Variants in ZNF410 observed in about 807,000 individuals in gnomAD.
ZNF410 encodes the protein zinc finger protein 410, also known as another partner for ARF 1.
A neutral mutation model predicts 54.8 loss-of-function variants in ZNF410; 18 were observed. That is an observed-to-expected ratio of 0.33 (90% CI 0.23 to 0.49). ZNF410 has a LOEUF of 0.49. ZNF410 is among the 20% of genes least tolerant of loss of function. The pLI is 0.99. For synonymous variants in ZNF410, 191 were observed against 207.3 expected, an observed-to-expected ratio of 0.92 and a Z score of 0.68; for missense variants, 405 against 569.6, an observed-to-expected ratio of 0.71 and a Z score of 2.94.
At position 73,923,484 on chromosome 14, in the gene ZNF410, T is replaced by C. The variant is rs1210415511; in HGVS notation, c.1360T>C (p.Tyr454His). Residue 454 changes from tyrosine to histidine, a missense_variant, in exon 11 of 12, where the codon TAT becomes CAT. By Grantham distance (83) the Tyr-to-His change is moderately conservative (BLOSUM62 2). Coordinates refer to ENST00000555044, the MANE Select transcript of ZNF410 (RefSeq NM_021188.3). ...GACCATGCAGTCAGGGAGGCAATCA[T>C]ATGAAGTTTCTGTCTTAACTGCAGT... ...LVTMQSGRQS[Y>H]EVSVLTAVNP... 6.2e-7 allele frequency: 1 copy of C among 1,613,744 alleles called. No homozygotes were observed. Among genetic ancestry groups the C allele is most frequent in the African/African-American group, 1.3e-5 (1 of 74,924 alleles).
chr14:73,905,290 TTGA>T (rs1332010933), intron 7 of ZNF410: 1 of 485,372 alleles, frequency 2.1e-6, no homozygotes, highest in Non-Finnish European at 3.5e-6. Flanking sequence ...GTAGACAGTG[TTGA>T]TTTCTGTTTT....
intron 8 of ZNF410, among the ~76,000 whole-genome samples, chr14:73,919,902 T>G (rs1334559820): frequency 6.8e-6 from 1 of 147,866 alleles, no homozygotes; most frequent in Non-Finnish European, 1.5e-5. Context: ...TTTTTTTTTT[T>G]TTTTTTTTTG....
At chr14:73,906,946 A>G (rs1194186671) in intron 7 of ZNF410, among the ~76,000 whole-genome samples, 1 of 151,990 alleles carries the variant, frequency 6.6e-6, no homozygotes, top group Non-Finnish European at 1.5e-5. Flanking sequence ...TCAGGCCTCT[A>G]TTTAATTATT....
chr14:73,923,533 C>G lies in ZNF410; in HGVS notation c.1398+11C>G. 1 of 1,607,766 alleles carries G rather than the reference C, an allele frequency of 6.2e-7. No homozygotes were observed. Among genetic ancestry groups the G allele is most frequent in the Non-Finnish European group, 8.5e-7 (1 of 1,177,250 alleles). The stretch of plus-strand genomic sequence containing the variant: ...GTAAATCCACAAGAGGTAAAGTGGT[C>G]TCTTGCCCTTTGTTTCTGTGACAAT... On this transcript the variant is annotated intron_variant, in intron 11 of 11. Transcript: ENST00000555044.
At chr14:73,895,690 C>A (rs1237516844) in intron 3 of ZNF410, among the ~76,000 whole-genome samples, 1 of 152,060 alleles carries the variant, frequency 6.6e-6, no homozygotes, top group African/African-American at 2.4e-5. Flanking sequence ...ACAGGCCGGG[C>A]GTGGTGGCTC....
intron 8 of ZNF410, chr14:73,914,972 A>T (rs992699708): frequency 1.3e-5 from 2 of 150,782 alleles, no homozygotes; most frequent in South Asian, 4.3e-4. Context: ...TGTTGAATAG[A>T]AGTGGTGAGG....
chr14:73,893,956 T>C lies in ZNF410; in HGVS notation c.169+24T>C, dbSNP rs759932525. 2.0e-5 allele frequency: 32 copies of C among 1,600,892 alleles called. No individual in the cohort carries two copies. The South Asian group carries it at 2.7e-4, about 14-fold the overall frequency. On this transcript the variant is annotated intron_variant, in intron 3 of 11. Transcript: ENST00000555044. ...AGGTAAAAATTAAGATCACTAGAAA[T>C]AGGATAAAGAAGTCTTAAGAGCTTA...
At position 73,921,262 on chromosome 14, in the gene ZNF410, C is replaced by G. The variant is rs914630958; in HGVS notation, c.1129+157C>G. 23 of 820,204 alleles carry G rather than the reference C, an allele frequency of 2.8e-5. 1 individual carries two copies. In the Middle Eastern group the frequency reaches 3.8e-3, roughly 135 times the overall value. The allele number at this position is 820,204 out of a possible 1,614,324, so 50.8% of individuals were successfully genotyped here. A position where few individuals can be genotyped will look rare whatever the true frequency, so the allele number is the denominator to read the frequency against. On this transcript the variant is annotated intron_variant, in intron 9 of 11. Transcript: ENST00000555044. ...CTGATGGTTTCCAAACATAGCTATA[C>G]AGTAGAATCATCTGCAACCTTTTAA...
intron 8 of ZNF410, among the ~76,000 whole-genome samples, chr14:73,918,155 C>A (rs1186259606): frequency 6.6e-6 from 1 of 152,246 alleles, no homozygotes; most frequent in South Asian, 2.1e-4. Context: ...GTTGCCCAGG[C>A]TGGAGTGCAG....
intron 4 of ZNF410, among the ~76,000 whole-genome samples, chr14:73,897,756 G>A (rs140219540): frequency 0.069 from 10,421 of 152,000 alleles, 508 homozygotes; most frequent in African/African-American, 0.14. Flanking sequence ...GGCGAATCAC[G>A]AGGTCAGGAG....
At chr14:73,892,262 T>C in intron 2 of ZNF410, 54 bp downstream of exon 2, 1 of 1,598,588 alleles carries the variant, frequency 6.3e-7, no homozygotes, top group African/African-American at 1.3e-5. Flanking sequence ...TTTCAAAGTT[T>C]ATCTTCAGTT....
At chr14:73,901,699 G>A (rs1346537629) in intron 5 of ZNF410, among the ~76,000 whole-genome samples, 1 of 151,734 alleles carries the variant, frequency 6.6e-6, no homozygotes, top group Non-Finnish European at 1.5e-5. Context: ...GGGTGGCCGA[G>A]GCGGGTGGAT....
At chr14:73,911,432 A>T (rs727523) in intron 8 of ZNF410, among the ~76,000 whole-genome samples, 123,788 of 152,130 alleles carry the variant, frequency 0.81, 50,985 homozygotes, top group East Asian at 0.93. Flanking sequence ...AGAGTTATAA[A>T]CAATCAGGGA....
At chr14:73,929,823 A>G (rs1005577154) in intron 11 of ZNF410, among the ~76,000 whole-genome samples, 1 of 152,072 alleles carries the variant, frequency 6.6e-6, no homozygotes, top group African/African-American at 2.4e-5. Context: ...TAAAAAAAAA[A>G]AAGAAGAAAA....
intron 5 of ZNF410, among the ~76,000 whole-genome samples, chr14:73,899,730 C>G (rs528540096): frequency 1.2e-4 from 18 of 152,258 alleles, no homozygotes; most frequent in Admixed American, 3.3e-4. Flanking sequence ...AATTTTCTTA[C>G]GATCTGAACA....
intron 8 of ZNF410, among the ~76,000 whole-genome samples, chr14:73,910,277 G>C (rs1285061520): frequency 1.3e-5 from 2 of 152,226 alleles, no homozygotes; most frequent in African/African-American, 4.8e-5. Context: ...AGGAAGAGAT[G>C]AGAAGACTTT....
At chr14:73,887,134 C>T (rs1285215641) in intron 1 of ZNF410, 2 of 152,774 alleles carry the variant, frequency 1.3e-5, no homozygotes, top group Admixed American at 6.5e-5. Flanking sequence ...GGGCGATGTT[C>T]TTGCTCCTTT....
intron 5 of ZNF410, among the ~76,000 whole-genome samples, chr14:73,900,064 G>A (rs1010944198): frequency 4.0e-5 from 6 of 150,260 alleles, no homozygotes; most frequent in African/African-American, 9.7e-5. Context: ...GCGTGGTGGC[G>A]CATGCATGTA....
intron 9 of ZNF410, 48 bp from the exon 10 acceptor site, chr14:73,922,018 G>A (rs1458703797): frequency 6.3e-7 from 1 of 1,592,636 alleles, no homozygotes; most frequent in South Asian, 1.1e-5. Flanking sequence ...TGAGGACCAG[G>A]CACAGCCTTG....
Sources: allele counts gnomAD v4.1 joint callset (sites outside exome capture counted in the v4.1 genomes callset), GRCh38; gene constraint gnomAD v4.1.1; transcripts MANE v1.5; gene names NCBI Gene and HGNC (gene_info 2026-07-23, HGNC 2026-07-21).